KLF8: variants seen among roughly 807,000 people sequenced by gnomAD.
KLF8 encodes the protein Krueppel-like factor 8.
In KLF8, 10 loss-of-function variants were observed where a neutral mutation model predicts 18.2. The observed-to-expected ratio is 0.55, with a 90% confidence interval of 0.34 to 0.93. KLF8 has a LOEUF of 0.93. Ranked by LOEUF, KLF8 falls within the 40% of genes least tolerant of loss-of-function variation. The probability of loss-of-function intolerance (pLI) is 0.02; values close to 1 mark genes in which losing one functional copy is unlikely to be tolerated. For synonymous variants in KLF8, 109 were observed against 97.3 expected (o/e 1.12, Z -0.71); for missense variants, 264 against 277.9 (o/e 0.95, Z 0.36).
intron 3 of KLF8, chrX:56,266,908 ATAT>A: frequency 1.3e-6 from 1 of 754,085 alleles, no homozygotes; most frequent in Non-Finnish European, 1.6e-6. Flanking sequence ...CTGAATACAA[ATAT>A]TATTATTGAC....
the KLF8 span, among the ~76,000 whole-genome samples, chrX:56,118,335 C>A: frequency 9.0e-6 from 1 of 111,224 alleles, no homozygotes; most frequent in Non-Finnish European, 1.9e-5. Context: ...TGTTAATATG[C>A]GCTATGAGAA....
At chrX:56,080,828 C>G in the KLF8 span, among the ~76,000 whole-genome samples, 14 of 111,341 alleles carry the variant, frequency 1.3e-4, no homozygotes, top group South Asian at 5.3e-3. Flanking sequence ...TCCCATATTT[C>G]TTGGAGGCTT....
chrX:56,075,575 C>T, the KLF8 span, among the ~76,000 whole-genome samples: 10 of 111,022 alleles, frequency 9.0e-5, no homozygotes, highest in African/African-American at 3.3e-4. Context: ...TTGACTGTAC[C>T]CACTCCATTG....
At chrX:56,120,710 G>A in the KLF8 span, among the ~76,000 whole-genome samples, 1 of 111,236 alleles carries the variant, frequency 9.0e-6, no homozygotes, top group African/African-American at 3.3e-5. Flanking sequence ...TTTGTATGAA[G>A]GTGAGAGAAA....
At chrX:55,990,918 A>T in the KLF8 span, among the ~76,000 whole-genome samples, 4 of 111,863 alleles carry the variant, frequency 3.6e-5, no homozygotes, top group African/African-American at 9.8e-5. Context: ...CTATTGGGGG[A>T]TGCCTCCCAA....
chrX:56,198,764 A>T, the KLF8 span, among the ~76,000 whole-genome samples: 1 of 112,075 alleles, frequency 8.9e-6, no homozygotes, highest in Non-Finnish European at 1.9e-5. Flanking sequence ...GAAATGAAAA[A>T]AGAGCCTGCA....
the KLF8 span, among the ~76,000 whole-genome samples, chrX:56,088,131 T>C: frequency 9.0e-6 from 1 of 110,980 alleles, no homozygotes; most frequent in Non-Finnish European, 1.9e-5. Flanking sequence ...TTTGGAAAAA[T>C]TATAGTCCAA....
At chrX:56,218,514 G>T in the KLF8 span, among the ~76,000 whole-genome samples, 1 of 111,839 alleles carries the variant, frequency 8.9e-6, no homozygotes, top group Non-Finnish European at 1.9e-5. Flanking sequence ...TTTATTATAA[G>T]CAGATCATCA....
At chrX:56,048,864 G>A in the KLF8 span, among the ~76,000 whole-genome samples, 3 of 111,589 alleles carry the variant, frequency 2.7e-5, no homozygotes, top group Non-Finnish European at 5.6e-5. Context: ...TGGGCAGTAT[G>A]GCCGTTTTCA....
At chrX:56,184,042 C>A in the KLF8 span, among the ~76,000 whole-genome samples, 1 of 112,060 alleles carries the variant, frequency 8.9e-6, no homozygotes, top group Non-Finnish European at 1.9e-5. Context: ...GTGCAGTGCA[C>A]CATGCACGAG....
the KLF8 span, among the ~76,000 whole-genome samples, chrX:56,186,861 G>A: frequency 1.8e-5 from 2 of 111,704 alleles, no homozygotes; most frequent in African/African-American, 6.5e-5. Context: ...AGAATCTCTG[G>A]GCATATTCAA....
chrX:56,105,916 G>T, the KLF8 span, among the ~76,000 whole-genome samples: 1 of 111,310 alleles, frequency 9.0e-6, no homozygotes, highest in Non-Finnish European at 1.9e-5. Flanking sequence ...AGGCCTGGTG[G>T]TGACAAAATC....
the KLF8 span, among the ~76,000 whole-genome samples, chrX:56,011,336 T>C: frequency 1.8e-5 from 2 of 112,081 alleles, no homozygotes; most frequent in African/African-American, 3.2e-5. Context: ...ACCACACAAC[T>C]ACTTGGAAAT....
the KLF8 span, among the ~76,000 whole-genome samples, chrX:56,007,426 G>A: frequency 1.7e-3 from 185 of 111,378 alleles, no homozygotes; most frequent in Admixed American, 3.6e-3. Flanking sequence ...CCTATACTCA[G>A]GGCCTGCAAC....
At chrX:56,135,151 C>G in the KLF8 span, among the ~76,000 whole-genome samples, 1 of 111,110 alleles carries the variant, frequency 9.0e-6, no homozygotes, top group Non-Finnish European at 1.9e-5. Context: ...GGTGATTCCT[C>G]CGGGATCTAG....
chrX:56,068,767 C>G, the KLF8 span, among the ~76,000 whole-genome samples: 1 of 111,444 alleles, frequency 9.0e-6, no homozygotes, highest in African/African-American at 3.3e-5. Context: ...AGCCCCGCTT[C>G]TGCGTGAACT....
chrX:55,923,793 T>C, the KLF8 span, among the ~76,000 whole-genome samples: 2 of 110,095 alleles, frequency 1.8e-5, no homozygotes, highest in East Asian at 5.7e-4. Flanking sequence ...TATATATATA[T>C]CTGTACATCA....
At chrX:56,102,547 G>A in the KLF8 span, among the ~76,000 whole-genome samples, 91 of 110,948 alleles carry the variant, frequency 8.2e-4, no homozygotes, top group Non-Finnish European at 1.5e-3. Context: ...ATTTCTTTGG[G>A]CAGTATGGCC....
chrX:56,084,674 A>C, the KLF8 span, among the ~76,000 whole-genome samples: 1 of 112,405 alleles, frequency 8.9e-6, no homozygotes, highest in African/African-American at 3.2e-5. Flanking sequence ...GGTTATCTGC[A>C]ACCTCTAAAA....
Sources: allele counts gnomAD v4.1 joint callset (sites outside exome capture counted in the v4.1 genomes callset), GRCh38; gene constraint gnomAD v4.1.1; transcripts MANE v1.5; gene names NCBI Gene and HGNC (gene_info 2026-07-23, HGNC 2026-07-21).